Variants in CNTN5 observed in about 807,000 individuals in gnomAD.
CNTN5 encodes contactin 5.
Under a neutral mutation model 129.1 loss-of-function variants are expected in CNTN5, and 77 were observed. The ratio of observed to expected loss-of-function variants is 0.60; its 90% CI spans 0.50 to 0.72. The LOEUF is 0.72. Among genes scored for constraint, CNTN5 ranks in the 30% least tolerant of loss-of-function variants. The pLI is 0.00. For missense variants in CNTN5, 1,478 were observed against 1,328.8 expected, an observed-to-expected ratio of 1.11 and a Z score of -1.75; for synonymous variants, 509 against 465.6, an observed-to-expected ratio of 1.09 and a Z score of -1.20.
intron 2 of CNTN5, among the ~76,000 whole-genome samples, chr11:99,335,396 A>G (rs752439391): frequency 3.9e-5 from 6 of 152,046 alleles, no homozygotes; most frequent in Non-Finnish European, 8.8e-5. Flanking sequence ...TAAAAATTCT[A>G]GACATTTTTT....
intron 16 of CNTN5, among the ~76,000 whole-genome samples, chr11:100,245,537 C>CACTGAG (rs1182178868): frequency 2.0e-5 from 3 of 152,044 alleles, no homozygotes; most frequent in Non-Finnish European, 4.4e-5. Flanking sequence ...CCTTATACCA[C>CACTGAG]ACTGAGACAA....
intron 1 of CNTN5, among the ~76,000 whole-genome samples, chr11:99,219,220 A>G (rs1860278668): frequency 1.3e-5 from 2 of 151,998 alleles, no homozygotes; most frequent in African/African-American, 4.8e-5. Context: ...CAGTTTGCAA[A>G]TATTAACATT....
chr11:100,009,191 A>G (rs752620807), intron 9 of CNTN5, among the ~76,000 whole-genome samples: 160 of 152,230 alleles, frequency 1.1e-3, no homozygotes, highest in Non-Finnish European at 1.4e-3. Flanking sequence ...CTCTACTTAA[A>G]TCTGAATTTA....
At chr11:100,039,181 C>A (rs1451704871) in intron 9 of CNTN5, among the ~76,000 whole-genome samples, 1 of 152,174 alleles carries the variant, frequency 6.6e-6, no homozygotes, top group Non-Finnish European at 1.5e-5. Flanking sequence ...CAAAATCTCT[C>A]CACATTTGCT....
chr11:100,154,949 A>C (rs1326840938), intron 13 of CNTN5, among the ~76,000 whole-genome samples: 4 of 151,780 alleles, frequency 2.6e-5, no homozygotes, highest in Admixed American at 2.0e-4. Context: ...GATCACAAAA[A>C]TTTTCTCCCA....
intron 3 of CNTN5, among the ~76,000 whole-genome samples, chr11:99,791,807 T>A: frequency 6.6e-6 from 1 of 152,148 alleles, no homozygotes; most frequent in East Asian, 1.9e-4. Context: ...AGTTGCATTT[T>A]AGAGATCTTT....
At position 99,753,119 on chromosome 11, in the gene CNTN5, C is replaced by CTGTTTTTT. The variant is rs528319697; in HGVS notation, c.56-66424_56-66423insGTTTTTTT. ...TTTATAACATTTTAAGCCATATTTG[C>CTGTTTTTT]TTTTTTTTTTTTTTTTTTTTTGAGA... On this transcript the variant is annotated intron_variant, in intron 3 of 24. Transcript: ENST00000524871. Among the ~76,000 whole-genome samples, 18 of 93,110 alleles carry CTGTTTTTT rather than the reference C, an allele frequency of 1.9e-4. No homozygotes were observed. In the East Asian group the frequency reaches 3.0e-3, roughly 15 times the overall value. The allele number at this position is 93,110 out of a possible 152,430, so 61.1% of individuals were successfully genotyped here. A position where few individuals can be genotyped will look rare whatever the true frequency, so the allele number is the denominator to read the frequency against.
chr11:99,450,768 GTT>G (rs34146715), intron 2 of CNTN5, among the ~76,000 whole-genome samples: 20,482 of 105,022 alleles, frequency 0.2, 1,375 homozygotes, highest in Non-Finnish European at 0.23. Flanking sequence ...ATTGAAGCAA[GTT>G]TTTTTTTTTT....
intron 13 of CNTN5, among the ~76,000 whole-genome samples, chr11:100,186,636 T>G (rs1948309212): frequency 6.6e-6 from 1 of 152,074 alleles, no homozygotes; most frequent in Non-Finnish European, 1.5e-5. Flanking sequence ...TGACTTGATC[T>G]TGAATGCAAG....
intron 18 of CNTN5, among the ~76,000 whole-genome samples, chr11:100,284,404 G>C (rs78651494): frequency 0.012 from 1,801 of 152,216 alleles, 31 homozygotes; most frequent in African/African-American, 0.042. Context: ...GATAAATAAA[G>C]ATAGACAGCC....
intron 2 of CNTN5, among the ~76,000 whole-genome samples, chr11:99,503,216 C>G (rs923542929): frequency 9.2e-5 from 14 of 152,074 alleles, no homozygotes; most frequent in African/African-American, 3.4e-4. Context: ...TGTGTTTTGT[C>G]ATTCCATGCC....
At chr11:99,458,659 T>C (rs1264165690) in intron 2 of CNTN5, among the ~76,000 whole-genome samples, 1 of 152,016 alleles carries the variant, frequency 6.6e-6, no homozygotes, top group Non-Finnish European at 1.5e-5. Flanking sequence ...AATGCCTTTC[T>C]GAACCCAAGC....
chr11:99,398,201 T>C (rs961400074), intron 2 of CNTN5, among the ~76,000 whole-genome samples: 3 of 151,854 alleles, frequency 2.0e-5, no homozygotes, highest in Non-Finnish European at 4.4e-5. Context: ...TATTACAGAG[T>C]GTTTTTTTGT....
intron 15 of CNTN5, among the ~76,000 whole-genome samples, chr11:100,219,601 A>G (rs1949219050): frequency 6.6e-6 from 1 of 152,182 alleles, no homozygotes; most frequent in Non-Finnish European, 1.5e-5. Flanking sequence ...CAACAAATAG[A>G]ACTGTTTCTG....
At chr11:100,288,335 C>T (rs1016395183) in intron 18 of CNTN5, among the ~76,000 whole-genome samples, 13 of 152,078 alleles carry the variant, frequency 8.5e-5, no homozygotes, top group Middle Eastern at 3.4e-3. Flanking sequence ...CACACCTATT[C>T]GAAAATTGAC....
intron 18 of CNTN5, among the ~76,000 whole-genome samples, chr11:100,278,837 C>T (rs1950570697): frequency 6.6e-6 from 1 of 151,882 alleles, no homozygotes; most frequent in Non-Finnish European, 1.5e-5. Context: ...ACTTCCAGTA[C>T]TATGCTGAAA....
chr11:99,508,686 CT>C (rs1555010964), intron 2 of CNTN5, among the ~76,000 whole-genome samples: 28 of 146,878 alleles, frequency 1.9e-4, no homozygotes, highest in East Asian at 3.9e-4. Flanking sequence ...TCTTTTCTTT[CT>C]TTTTTTTTTG....
At chr11:99,907,568 T>C (rs916358512) in intron 6 of CNTN5, among the ~76,000 whole-genome samples, 4 of 151,886 alleles carry the variant, frequency 2.6e-5, no homozygotes, top group Admixed American at 1.3e-4. Context: ...ACATATATTA[T>C]TAAAAATATT....
intron 8 of CNTN5, among the ~76,000 whole-genome samples, chr11:99,962,978 A>G (rs544602943): frequency 1.6e-4 from 24 of 151,948 alleles, no homozygotes; most frequent in Middle Eastern, 6.8e-3. Context: ...GTCTGTTCAT[A>G]TCCTTCGCCC....
Sources: allele counts gnomAD v4.1 joint callset (sites outside exome capture counted in the v4.1 genomes callset), GRCh38; gene constraint gnomAD v4.1.1; transcripts MANE v1.5; gene names NCBI Gene and HGNC (gene_info 2026-07-23, HGNC 2026-07-21).